LMF1: variants seen among roughly 807,000 people sequenced by gnomAD.
LMF1 encodes the protein transmembrane protein 112.
LMF1 carries 68 observed loss-of-function variants against 60.6 expected under a neutral mutation model. That is an observed-to-expected ratio of 1.12 (90% CI 0.92 to 1.37). The LOEUF (loss-of-function observed/expected upper bound fraction) is 1.37. Among genes scored for constraint, LMF1 ranks in the 40% most tolerant of loss-of-function variants. LMF1 has a pLI of 0.00. For missense variants in LMF1, 948 were observed against 767.2 expected, an observed-to-expected ratio of 1.24 and a Z score of -2.78; for synonymous variants, 418 against 324.7, an observed-to-expected ratio of 1.29 and a Z score of -3.09.
chr16:977,910 C>CACCACACACAT (rs1596188924), intron 1 of LMF1, among the ~76,000 whole-genome samples: 1 of 127,132 alleles, frequency 7.9e-6, no homozygotes. Flanking sequence ...TAAACACACA[C>CACCACACACAT]ACCACACACA....
chr16:977,813 A>C (rs2073194504), intron 1 of LMF1, among the ~76,000 whole-genome samples: 1 of 151,670 alleles, frequency 6.6e-6, no homozygotes, highest in African/African-American at 2.4e-5. Flanking sequence ...CCCTGGGCCC[A>C]ACACACACCA....
chr16:954,872 G>A lies in LMF1; in HGVS notation c.194-206C>T, dbSNP rs527399703. Among the ~76,000 whole-genome samples the A allele has an allele frequency of 2.2e-4, 33 of 152,234 alleles. 3 individuals are homozygous for A. The highest frequency in any genetic ancestry group is 3.5e-4 in the Non-Finnish European group (24 of 68,012). ...CTGGAAAAGCCAACCTGCAGCAGAC[G>A]CGGTGTGTGCATACACGCATACACA... On this transcript the variant is annotated intron_variant, in intron 1 of 10. Transcript: ENST00000262301.
At chr16:883,876 C>T (rs779326124) in intron 5 of LMF1, 1 of 152,284 alleles carries the variant, frequency 6.6e-6, no homozygotes, top group African/African-American at 2.4e-5. Flanking sequence ...CACAAACTGC[C>T]TATAAATGTT....
chr16:938,339 A>AGCAGGGATG (rs1343324280), intron 2 of LMF1, among the ~76,000 whole-genome samples: 85 of 46,112 alleles, frequency 1.8e-3, no homozygotes, highest in African/African-American at 0.018. Context: ...TCGCGGGGAC[A>AGCAGGGATG]GCAGGGACGG....
intron 5 of LMF1, among the ~76,000 whole-genome samples, chr16:881,975 C>T (rs988578076): frequency 6.6e-6 from 1 of 152,142 alleles, no homozygotes; most frequent in Non-Finnish European, 1.5e-5. Flanking sequence ...AGAAGGAGGT[C>T]CCATGTGTTC....
chr16:860,252 T>C (rs894041749), intron 10 of LMF1, among the ~76,000 whole-genome samples: 4 of 152,164 alleles, frequency 2.6e-5, no homozygotes, highest in African/African-American at 9.7e-5. Flanking sequence ...TTAATGAATT[T>C]CAATTAATTT....
chr16:969,505 G>A (rs946192797), intron 1 of LMF1, among the ~76,000 whole-genome samples: 5 of 152,168 alleles, frequency 3.3e-5, no homozygotes, highest in African/African-American at 1.2e-4. Context: ...CATCACTCCA[G>A]CACAACCAGG....
At chr16:963,238 G>C (rs762072538) in intron 1 of LMF1, among the ~76,000 whole-genome samples, 1 of 152,102 alleles carries the variant, frequency 6.6e-6, no homozygotes, top group Non-Finnish European at 1.5e-5. Flanking sequence ...TGGGTGGAAG[G>C]GACCTGAGCT....
intron 8 of LMF1, among the ~76,000 whole-genome samples, chr16:870,463 C>A (rs1194856693): frequency 6.6e-6 from 1 of 152,214 alleles, no homozygotes; most frequent in Admixed American, 6.5e-5. Flanking sequence ...CTCCCTTACG[C>A]CCCCAGTAGG....
chr16:972,729 C>T (rs184798950), upstream of LMF1, among the ~76,000 whole-genome samples: 1 of 152,202 alleles, frequency 6.6e-6, no homozygotes, highest in African/African-American at 2.4e-5. Flanking sequence ...GCTCTCCCCG[C>T]GAAGGGCACA....
intron 2 of LMF1, among the ~76,000 whole-genome samples, chr16:937,474 CGCTGGGGTCTCTGTTGACTGACAGGCT>C (rs1413347545): frequency 2.2e-4 from 33 of 151,344 alleles, no homozygotes; most frequent in Non-Finnish European, 3.4e-4. Context: ...ACTGACAGGC[CGCTGGGGTCTCTGTTGACTGACAGGCT>C]GCTGGGGTCT....
At chr16:909,273 A>G (rs1212969739) in intron 4 of LMF1, among the ~76,000 whole-genome samples, 1 of 152,148 alleles carries the variant, frequency 6.6e-6, no homozygotes, top group African/African-American at 2.4e-5. Flanking sequence ...GCTGGGGAAG[A>G]TGGGAGCCAC....
At position 970,891 on chromosome 16, in the gene LMF1, C is replaced by T; in HGVS notation, c.90G>A (p.Pro30=). The T allele has an allele frequency of 6.3e-7, 1 of 1,575,076 alleles. No individual in the cohort carries two copies. The highest frequency in any genetic ancestry group is 2.4e-5 in the East Asian group (1 of 41,786). Residue 30 remains proline (P), a synonymous_variant, in exon 1 of 11, where the codon CCG becomes CCA. Coordinates refer to ENST00000262301, the MANE Select transcript of LMF1 (RefSeq NM_022773.4). The part of the protein sequence containing the change: ...TGYSDPEPES[P]PAPGRGPAGS... Reference sequence around the variant, plus strand: ...CTGCGGGGCCACGCCCCGGCGCGGGCGGCGACTCAGGCTCCGGATCCGAGT... The same window carrying T: ...CTGCGGGGCCACGCCCCGGCGCGGGTGGCGACTCAGGCTCCGGATCCGAGT...
At chr16:935,105 ATT>A (rs568089078) in intron 2 of LMF1, among the ~76,000 whole-genome samples, 8 of 145,780 alleles carry the variant, frequency 5.5e-5, no homozygotes, top group Non-Finnish European at 4.5e-5. Flanking sequence ...GTTGATCAGA[ATT>A]TTTTTTTTTT....
chr16:904,510 G>A, intron 4 of LMF1, among the ~76,000 whole-genome samples: 1 of 79,560 alleles, frequency 1.3e-5, no homozygotes, highest in Non-Finnish European at 2.2e-5. Context: ...GCCTGTCTCT[G>A]CTGCGTGGTG....
At chr16:886,883 G>A (rs139308153) in intron 5 of LMF1, 77 of 124,490 alleles carry the variant, frequency 6.2e-4, no homozygotes, top group African/African-American at 2.2e-3. Flanking sequence ...TAGGCCCCCG[G>A]CATTCCCCAG....
At chr16:950,046 G>A (rs1248736073) in intron 2 of LMF1, among the ~76,000 whole-genome samples, 2 of 67,196 alleles carry the variant, frequency 3.0e-5, no homozygotes, top group East Asian at 4.4e-4. Flanking sequence ...CAGAGTCAGA[G>A]CCAACGACAG....
At chr16:891,862 G>A (rs919766923) in intron 5 of LMF1, among the ~76,000 whole-genome samples, 10 of 152,062 alleles carry the variant, frequency 6.6e-5, no homozygotes, top group Non-Finnish European at 1.3e-4. Flanking sequence ...GCTGCTCCCC[G>A]TCACGGCTGT....
Position 854,750 on chromosome 16 carries a change from G to A in LMF1, c.1530-44C>T, listed in dbSNP as rs376749148. On this transcript the variant is annotated intron_variant, in intron 10 of 10. Coordinates refer to ENST00000262301, the MANE Select transcript of LMF1 (RefSeq NM_022773.4). ...CAGCCCAGGGCCTGCTGGGACTCCC[G>A]GCCCCCGACCCGGCTCCTCAGCCTG... 60 of 1,522,908 alleles carry A rather than the reference G, an allele frequency of 3.9e-5. No homozygotes were observed. The African/African-American group carries it at 5.2e-4, about 13-fold the overall frequency. 94.3% of individuals were successfully genotyped at this position (1,522,908 alleles called of 1,614,324 possible). A position where few individuals can be genotyped will look rare whatever the true frequency, so the allele number is the denominator to read the frequency against.
Sources: allele counts gnomAD v4.1 joint callset (sites outside exome capture counted in the v4.1 genomes callset), GRCh38; gene constraint gnomAD v4.1.1; transcripts MANE v1.5; gene names NCBI Gene and HGNC (gene_info 2026-07-23, HGNC 2026-07-21).